SEC24D: variants seen among roughly 807,000 people sequenced by gnomAD.
SEC24D encodes the protein SEC24 homolog D, COPII component, also known as protein transport protein Sec24D.
SEC24D carries 69 observed loss-of-function variants against 116.9 expected under a neutral mutation model. The ratio of observed to expected loss-of-function variants is 0.59; its 90% CI spans 0.49 to 0.72. The LOEUF (loss-of-function observed/expected upper bound fraction) is 0.72, where lower values mean the gene tolerates loss of function less well. SEC24D is among the 30% of genes least tolerant of loss of function. SEC24D has a pLI of 0.00. For synonymous variants in SEC24D, 405 were observed against 442.8 expected (o/e 0.91, Z 1.07); for missense variants, 1,131 against 1,264.1 (o/e 0.89, Z 1.60).
intron 4 of SEC24D, chr4:118,816,935 A>C: frequency 3.1e-6 from 1 of 317,546 alleles, no homozygotes; most frequent in Non-Finnish European, 6.1e-6. Flanking sequence ...TACAAGGTTT[A>C]AATTATCCTT....
At chr4:118,776,490 G>T (rs974008938) in intron 8 of SEC24D, among the ~76,000 whole-genome samples, 1 of 152,118 alleles carries the variant, frequency 6.6e-6, no homozygotes, top group Non-Finnish European at 1.5e-5. Context: ...CACCTTAATA[G>T]TTTTTTCTGT....
chr4:118,773,791 T>A (rs2110478718), intron 8 of SEC24D, among the ~76,000 whole-genome samples: 2 of 152,362 alleles, frequency 1.3e-5, no homozygotes, highest in South Asian at 4.1e-4. Flanking sequence ...AAGCAGCTTA[T>A]ATGTGCTTTC....
intron 8 of SEC24D, among the ~76,000 whole-genome samples, chr4:118,780,906 GC>G (rs1415788206): frequency 0.18 from 19,270 of 104,842 alleles, 1,592 homozygotes; most frequent in Non-Finnish European, 0.22. Context: ...TGCAACCCCT[GC>G]TTTTTTTTTT....
chr4:118,737,279 T>C (rs12500272), intron 19 of SEC24D, among the ~76,000 whole-genome samples: 38,914 of 152,130 alleles, frequency 0.26, 6,128 homozygotes, highest in East Asian at 0.45. Context: ...GAAGACTGAA[T>C]ACTCATATAG....
Position 118,752,766 on chromosome 4 carries a change from C to T in SEC24D, c.1544G>A (p.Gly515Glu), listed in dbSNP as rs758944360. Residue 515 changes from glycine (G) to glutamate (E), a missense_variant, in exon 12 of 23, where the codon GGA (glycine) becomes GAA (glutamate). Physicochemically the swap from Gly to Glu is moderately conservative, Grantham distance 98 (BLOSUM62 -2). Coordinates refer to ENST00000280551, the MANE Select transcript of SEC24D (RefSeq NM_014822.4). ...ATCCAACAAAGGAACAAAGACTTCTCCAACATCAGTCACCACCATCATCTG... is the reference window on the plus strand; with the variant it reads ...ATCCAACAAAGGAACAAAGACTTCTTCAACATCAGTCACCACCATCATCTG... ...QPQMMVVTDV[G>E]EVFVPLLDGF... 9 of 1,612,216 alleles carry T rather than the reference C, an allele frequency of 5.6e-6. No homozygotes were observed. Among genetic ancestry groups the T allele is most frequent in the Non-Finnish European group, 7.6e-6 (9 of 1,179,268 alleles).
chr4:118,808,255 C>G (rs751299228), intron 6 of SEC24D, among the ~76,000 whole-genome samples: 5 of 152,180 alleles, frequency 3.3e-5, no homozygotes, highest in African/African-American at 7.2e-5. Flanking sequence ...ACCACTGCAC[C>G]TGGCTTAGAG....
intron 6 of SEC24D, among the ~76,000 whole-genome samples, chr4:118,810,603 T>C (rs1729882040): frequency 6.6e-6 from 1 of 152,220 alleles, no homozygotes; most frequent in African/African-American, 2.4e-5. Context: ...AGGAATCATC[T>C]GAAGAGCTTG....
intron 10 of SEC24D, among the ~76,000 whole-genome samples, chr4:118,758,244 C>T (rs1241810118): frequency 1.3e-5 from 2 of 152,124 alleles, no homozygotes; most frequent in African/African-American, 4.8e-5. Context: ...AAAAAGAATA[C>T]ATATAATAGT....
chr4:118,745,149 T>C (rs905945353), intron 13 of SEC24D, 89 bp from the exon 14 acceptor site: 5 of 748,780 alleles, frequency 6.7e-6, no homozygotes, highest in Non-Finnish European at 9.2e-6. Context: ...ATAAGTTCTT[T>C]CTATGAGCTA....
intron 3 of SEC24D, among the ~76,000 whole-genome samples, chr4:118,822,724 A>C (rs1730449356): frequency 6.6e-6 from 1 of 151,744 alleles, no homozygotes; most frequent in African/African-American, 2.4e-5. Flanking sequence ...GGTGCATGCC[A>C]CCATGCTTGG....
At position 118,797,704 on chromosome 4, in the gene SEC24D, A is replaced by G; in HGVS notation, c.1020T>C (p.Phe340=). The G allele has an allele frequency of 6.2e-7, 1 of 1,606,548 alleles. No homozygotes were observed. Among genetic ancestry groups the G allele is most frequent in the Non-Finnish European group, 8.5e-7 (1 of 1,175,114 alleles). Residue 340 remains phenylalanine, a synonymous_variant, in exon 8 of 23, where the codon TTT becomes TTC. Coordinates refer to ENST00000280551, the MANE Select transcript of SEC24D (RefSeq NM_014822.4). ...TTACCTCATTTGAAGGAATGGTGGCAAAGGGCTTGATGACAGCAGCTAATG... is the reference window on the plus strand; with the variant it reads ...TTACCTCATTTGAAGGAATGGTGGCGAAGGGCTTGATGACAGCAGCTAATG... ...QIPLAAVIKP[F]ATIPSNESPL... is the part of the protein sequence containing the mutation.
intron 15 of SEC24D, among the ~76,000 whole-genome samples, chr4:118,743,722 T>C (rs1336558541): frequency 7.9e-5 from 12 of 152,102 alleles, no homozygotes; most frequent in Admixed American, 4.6e-4. Context: ...TGTTATCCTA[T>C]AGGGGATAAT....
chr4:118,759,782 G>A (rs778728034), intron 10 of SEC24D, among the ~76,000 whole-genome samples: 7 of 151,972 alleles, frequency 4.6e-5, no homozygotes, highest in Non-Finnish European at 7.4e-5. Flanking sequence ...CAGAAATCTC[G>A]TTCATTTGCT....
chr4:118,731,024 C>T (rs1293248449), intron 21 of SEC24D: 3 of 344,144 alleles, frequency 8.7e-6, no homozygotes, highest in South Asian at 8.2e-5. Flanking sequence ...TGACAATTAA[C>T]TGAAATGGTA....
intron 7 of SEC24D, among the ~76,000 whole-genome samples, chr4:118,800,638 TAAC>T (rs927834016): frequency 3.3e-5 from 5 of 152,164 alleles, no homozygotes; most frequent in South Asian, 2.1e-4. Flanking sequence ...GACACAGTAC[TAAC>T]AACAAGGGTG....
intron 2 of SEC24D, among the ~76,000 whole-genome samples, chr4:118,831,299 G>T (rs1730845980): frequency 6.6e-6 from 1 of 152,068 alleles, no homozygotes; most frequent in South Asian, 2.1e-4. Flanking sequence ...AAAGTGTTAG[G>T]ATTACAGGTG....
At chr4:118,762,899 T>C (rs1727457650) in intron 10 of SEC24D, among the ~76,000 whole-genome samples, 1 of 152,186 alleles carries the variant, frequency 6.6e-6, no homozygotes, top group African/African-American at 2.4e-5. Flanking sequence ...GAAACAGATT[T>C]GACTCTCTGC....
chr4:118,831,486 G>C (rs1022421699), intron 2 of SEC24D, among the ~76,000 whole-genome samples: 4 of 152,124 alleles, frequency 2.6e-5, no homozygotes, highest in Non-Finnish European at 4.4e-5. Flanking sequence ...CAACAAAGGT[G>C]GGCAACTGGA....
chr4:118,802,902 A>C (rs547416411), intron 7 of SEC24D, among the ~76,000 whole-genome samples: 21 of 152,252 alleles, frequency 1.4e-4, no homozygotes, highest in Non-Finnish European at 1.3e-4. Flanking sequence ...ACGGAAAGTT[A>C]CGTAGCCTTA....
Sources: gnomAD v4.1 joint callset for allele counts (sites outside exome capture counted in the v4.1 genomes callset) on GRCh38, gnomAD v4.1.1 for gene constraint, MANE v1.5 for transcripts, NCBI Gene and HGNC (gene_info 2026-07-23, HGNC 2026-07-21) for gene names.